SNX29: variants seen among roughly 807,000 people sequenced by gnomAD.
SNX29 encodes sorting nexin 29.
A neutral mutation model predicts 102.1 loss-of-function variants in SNX29; 78 were observed. The ratio of observed to expected loss-of-function variants is 0.76; its 90% CI spans 0.64 to 0.92. The LOEUF (loss-of-function observed/expected upper bound fraction) is 0.92, where lower values mean the gene tolerates loss of function less well. SNX29 is among the 40% of genes least tolerant of loss of function. The pLI is 0.00. For synonymous variants in SNX29, 580 were observed against 414.5 expected, an observed-to-expected ratio of 1.40 and a Z score of -4.85; for missense variants, 1,280 against 1,061.7, an observed-to-expected ratio of 1.21 and a Z score of -2.86.
intron 15 of SNX29, among the ~76,000 whole-genome samples, chr16:12,310,113 C>T (rs1014598688): frequency 2.9e-5 from 4 of 136,886 alleles, no homozygotes; most frequent in Non-Finnish European, 4.8e-5. Context: ...CACACATACA[C>T]GTGCACGCAC....
chr16:12,042,018 C>T (rs953468063), intron 4 of SNX29, among the ~76,000 whole-genome samples: 4 of 151,928 alleles, frequency 2.6e-5, no homozygotes, highest in African/African-American at 9.7e-5. Context: ...TCTGTATCTC[C>T]CACCTTTTTT....
chr16:12,560,202 A>G lies in SNX29; in HGVS notation c.2319-8304A>G, dbSNP rs940941383. ...AATTCACCATTTAACTTGTGCTTGT[A>G]GAAGAGCAACTACACAGCCAGAGCT... is the stretch of plus-strand genomic sequence containing the variant. On this transcript the variant is annotated intron_variant, in intron 20 of 20. Coordinates refer to ENST00000566228, the MANE Select transcript of SNX29 (RefSeq NM_032167.5). 3.8e-5 allele frequency among the ~76,000 whole-genome samples: 5 copies of G among 133,328 alleles called. No homozygotes were observed. The Admixed American group carries it at 4.5e-4, about 12-fold the overall frequency. The allele number at this position is 133,328 out of a possible 152,430, so 87.5% of individuals were successfully genotyped here.
At chr16:12,068,177 A>G (rs937563066) in intron 9 of SNX29, among the ~76,000 whole-genome samples, 4 of 152,058 alleles carry the variant, frequency 2.6e-5, no homozygotes, top group African/African-American at 9.7e-5. Context: ...CAGGTGGCTC[A>G]AGGTCGAAAA....
chr16:12,008,017 C>T (rs1010364275), intron 3 of SNX29, among the ~76,000 whole-genome samples: 1 of 152,100 alleles, frequency 6.6e-6, no homozygotes, highest in Non-Finnish European at 1.5e-5. Flanking sequence ...TATCTCGGCT[C>T]CCTGCAAGCT....
At chr16:12,450,755 A>G (rs79784497) in intron 18 of SNX29, among the ~76,000 whole-genome samples, 3,829 of 152,286 alleles carry the variant, frequency 0.025, 74 homozygotes, top group South Asian at 0.059. Flanking sequence ...GAGGAGTGAC[A>G]TGGTATGATT....
At chr16:12,476,393 TATATATATATATATATATAC>T (rs1234249395) in intron 18 of SNX29, among the ~76,000 whole-genome samples, 705 of 16,010 alleles carry the variant, frequency 0.044, 27 homozygotes, top group African/African-American at 0.15. Context: ...AATATATATA[TATATATATATATATATATAC>T]ATATATATAT....
chr16:12,538,156 C>T (rs1160258123), intron 20 of SNX29, among the ~76,000 whole-genome samples: 1 of 152,162 alleles, frequency 6.6e-6, no homozygotes, highest in Admixed American at 6.5e-5. Context: ...CACTCTGTCA[C>T]CCAGAATAGA....
intron 14 of SNX29, among the ~76,000 whole-genome samples, chr16:12,260,383 C>T (rs888564594): frequency 1.3e-5 from 2 of 152,194 alleles, no homozygotes; most frequent in Admixed American, 6.5e-5. Context: ...CCTTCTCATC[C>T]TTCATCTGTT....
At position 12,568,687 on chromosome 16, in the gene SNX29, C is replaced by T. The variant is rs2079116798; in HGVS notation, c.*58C>T. 3 of 1,582,046 alleles carry T rather than the reference C, an allele frequency of 1.9e-6. No homozygotes were observed. The highest frequency in any genetic ancestry group is 1.3e-5 in the African/African-American group (1 of 74,432). ...GTGGCACCAGCTGCGTCCACCCCAGCCACTGCCGCTGGCCCCTCACCTCAG... is the reference window on the plus strand; with the variant it reads ...GTGGCACCAGCTGCGTCCACCCCAGTCACTGCCGCTGGCCCCTCACCTCAG... On this transcript the variant is annotated 3_prime_UTR_variant, in exon 21 of 21. Transcript: ENST00000566228.
In SNX29 at chr16:12,295,624, C is replaced by T. The variant is rs539910090; in HGVS notation, c.1782+17588C>T. The stretch of plus-strand genomic sequence containing the variant: ...TTTCAGTACCAAAAACTCAGCTTTG[C>T]CAGGGCAAGCTCTCAGCAACTCTTT... On this transcript the variant is annotated intron_variant, in intron 15 of 20. Transcript: ENST00000566228. Among the ~76,000 whole-genome samples, 7 of 152,304 alleles carry T rather than the reference C, an allele frequency of 4.6e-5. No individual in the cohort carries two copies. In the East Asian group the frequency reaches 9.6e-4, roughly 21 times the overall value.
intron 18 of SNX29, among the ~76,000 whole-genome samples, chr16:12,463,842 G>C (rs888131745): frequency 3.3e-5 from 5 of 150,638 alleles, no homozygotes; most frequent in Non-Finnish European, 5.9e-5. Flanking sequence ...GTGTGTGTGT[G>C]TGTGTGTGTG....
chr16:12,574,108 C>A lies in SNX29; in HGVS notation c.*5479C>A, dbSNP rs148191616. On this transcript the variant is annotated 3_prime_UTR_variant, in exon 21 of 21. Coordinates refer to ENST00000566228, the MANE Select transcript of SNX29 (RefSeq NM_032167.5). ...GAAACCTGTAGTATTATCTTAACTACCCTCTTATGTTAAGGTTTACATAAT... is the reference window on the plus strand; with the variant it reads ...GAAACCTGTAGTATTATCTTAACTAACCTCTTATGTTAAGGTTTACATAAT... 0.02 allele frequency: 3,726 copies of A among 186,568 alleles called. 50 individuals carry two copies. Among genetic ancestry groups the A allele is most frequent in the Middle Eastern group, 0.059 (29 of 494 alleles). 11.6% of individuals were successfully genotyped at this position (186,568 alleles called of 1,614,324 possible). A position where few individuals can be genotyped will look rare whatever the true frequency, so the allele number is the denominator to read the frequency against.
intron 13 of SNX29, among the ~76,000 whole-genome samples, chr16:12,152,805 G>T (rs1325750237): frequency 6.6e-6 from 1 of 152,178 alleles, no homozygotes; most frequent in East Asian, 1.9e-4. Context: ...CACCAGTAAT[G>T]GTTCTGTCTC....
chr16:12,553,155 T>TC (rs1210990150), intron 20 of SNX29, among the ~76,000 whole-genome samples: 1 of 152,212 alleles, frequency 6.6e-6, no homozygotes, highest in African/African-American at 2.4e-5. Flanking sequence ...CTGGGGTCCT[T>TC]CCTGGGATTT....
At chr16:12,539,265 C>T (rs2077216413) in intron 20 of SNX29, among the ~76,000 whole-genome samples, 1 of 152,162 alleles carries the variant, frequency 6.6e-6, no homozygotes, top group African/African-American at 2.4e-5. Context: ...CCCCTCATTT[C>T]CTTTCTAGCT....
intron 19 of SNX29, among the ~76,000 whole-genome samples, chr16:12,501,449 C>A (rs919159924): frequency 6.6e-6 from 1 of 151,624 alleles, no homozygotes; most frequent in Admixed American, 6.6e-5. Flanking sequence ...AGGCCAGACG[C>A]GGTGGCTCAC....
At chr16:12,109,421 A>G (rs1465907173) in intron 11 of SNX29, among the ~76,000 whole-genome samples, 1 of 152,032 alleles carries the variant, frequency 6.6e-6, no homozygotes, top group African/African-American at 2.4e-5. Flanking sequence ...GGTTCAATAC[A>G]CTCATGATTG....
intron 4 of SNX29, among the ~76,000 whole-genome samples, chr16:12,037,931 G>A (rs543395875): frequency 1.3e-5 from 2 of 151,998 alleles, no homozygotes; most frequent in Admixed American, 1.3e-4. Flanking sequence ...CTCTAGCCTG[G>A]GCGACAGAGT....
intron 14 of SNX29, among the ~76,000 whole-genome samples, chr16:12,270,351 T>C (rs1031327993): frequency 1.3e-5 from 2 of 152,230 alleles, no homozygotes; most frequent in African/African-American, 2.4e-5. Flanking sequence ...AATGGTGTTG[T>C]CATCTGTTAT....
Sources: gnomAD v4.1 joint callset for allele counts (sites outside exome capture counted in the v4.1 genomes callset) on GRCh38, gnomAD v4.1.1 for gene constraint, MANE v1.5 for transcripts, NCBI Gene and HGNC (gene_info 2026-07-23, HGNC 2026-07-21) for gene names.